The following GLCCI1 variants were observed in gnomAD, a reference collection of about 807,000 sequenced individuals.
GLCCI1 encodes glucocorticoid induced 1, also known as glucocorticoid-induced transcript 1 protein.
GLCCI1 carries 24 observed loss-of-function variants against 52.2 expected under a neutral mutation model. That is an observed-to-expected ratio of 0.46 (90% CI 0.33 to 0.65). The LOEUF (loss-of-function observed/expected upper bound fraction) is 0.65. Among genes scored for constraint, GLCCI1 ranks in the 30% least tolerant of loss-of-function variants. GLCCI1 has a pLI of 0.02. For synonymous variants in GLCCI1, 310 were observed against 276.5 expected (o/e 1.12, Z -1.20); for missense variants, 704 against 701.5 (o/e 1.00, Z -0.04).
At chr7:8,059,138 A>G (rs926137793) in intron 4 of GLCCI1, among the ~76,000 whole-genome samples, 1 of 152,198 alleles carries the variant, frequency 6.6e-6, no homozygotes. Context: ...AAGTCGACCC[A>G]CACAGGTCAA....
intron 6 of GLCCI1, among the ~76,000 whole-genome samples, chr7:8,083,365 G>C (rs745540698): frequency 6.6e-6 from 1 of 151,546 alleles, no homozygotes; most frequent in African/African-American, 2.4e-5. Flanking sequence ...ATTCTCATCA[G>C]ATGTTTGGTT....
At chr7:8,047,571 A>C (rs942038541) in intron 3 of GLCCI1, among the ~76,000 whole-genome samples, 3 of 152,226 alleles carry the variant, frequency 2.0e-5, no homozygotes, top group Non-Finnish European at 2.9e-5. Context: ...ACACTGCATT[A>C]GTTTATATAG....
intron 2 of GLCCI1, among the ~76,000 whole-genome samples, chr7:8,017,945 T>G (rs1562429823): frequency 6.6e-6 from 1 of 152,202 alleles, no homozygotes; most frequent in Non-Finnish European, 1.5e-5. Flanking sequence ...AAGTTAAAAA[T>G]TGTTTTATTA....
chr7:8,036,159 G>A (rs542436675), intron 3 of GLCCI1, among the ~76,000 whole-genome samples: 1 of 152,286 alleles, frequency 6.6e-6, no homozygotes, highest in South Asian at 2.1e-4. Flanking sequence ...GCTAACACAA[G>A]TGCACAGTTC....
At chr7:8,000,606 T>C (rs1471426426) in intron 1 of GLCCI1, among the ~76,000 whole-genome samples, 1 of 152,068 alleles carries the variant, frequency 6.6e-6, no homozygotes, top group African/African-American at 2.4e-5. Flanking sequence ...CTTTGTTTTA[T>C]GATACACATA....
chr7:7,996,407 A>G (rs748741448), intron 1 of GLCCI1, among the ~76,000 whole-genome samples: 9 of 152,040 alleles, frequency 5.9e-5, no homozygotes, highest in Non-Finnish European at 1.2e-4. Flanking sequence ...TTTGCCATAT[A>G]TGTAATTAAA....
intron 3 of GLCCI1, among the ~76,000 whole-genome samples, chr7:8,038,574 C>A (rs1423449156): frequency 6.6e-6 from 1 of 152,102 alleles, no homozygotes; most frequent in Non-Finnish European, 1.5e-5. Context: ...GAAACTGAAC[C>A]TATATCTCTT....
At chr7:8,051,201 TAA>T (rs1384763358) in intron 3 of GLCCI1, among the ~76,000 whole-genome samples, 4 of 152,238 alleles carry the variant, frequency 2.6e-5, no homozygotes, top group Non-Finnish European at 5.9e-5. Flanking sequence ...TCCCTTTACA[TAA>T]AGAGGGTGTG....
chr7:8,079,675 CT>C (rs1203821602), intron 6 of GLCCI1, among the ~76,000 whole-genome samples: 1 of 151,310 alleles, frequency 6.6e-6, no homozygotes, highest in East Asian at 1.9e-4. Context: ...AAAAGAGTAA[CT>C]TTTTGGCTTA....
At chr7:8,005,284 A>T (rs1358948052) in intron 2 of GLCCI1, among the ~76,000 whole-genome samples, 1 of 152,126 alleles carries the variant, frequency 6.6e-6, no homozygotes, top group African/African-American at 2.4e-5. Flanking sequence ...AAAAAATTTA[A>T]AAAAATGTAC....
At chr7:8,023,207 C>T (rs1475956033) in intron 3 of GLCCI1, among the ~76,000 whole-genome samples, 4 of 151,986 alleles carry the variant, frequency 2.6e-5, no homozygotes, top group Admixed American at 2.0e-4. Context: ...AGTAGATACA[C>T]GGTTTCACTG....
At chr7:7,986,539 AG>A (rs1780737170) in intron 1 of GLCCI1, among the ~76,000 whole-genome samples, 1 of 51,922 alleles carries the variant, frequency 1.9e-5, no homozygotes, top group African/African-American at 7.3e-5. Context: ...AAGAAAAAAA[AG>A]AAAAAGTGAC....
chr7:8,024,085 A>AT (rs1006703269), intron 3 of GLCCI1, among the ~76,000 whole-genome samples: 2 of 152,078 alleles, frequency 1.3e-5, no homozygotes, highest in African/African-American at 2.4e-5. Flanking sequence ...GCAGTAAGTC[A>AT]TTTTTTTCCT....
intron 3 of GLCCI1, among the ~76,000 whole-genome samples, chr7:8,054,848 C>G (rs1782349313): frequency 6.6e-6 from 1 of 151,864 alleles, no homozygotes. Flanking sequence ...GTGGCCCTTC[C>G]TTTTAGGAGA....
Position 8,068,810 on chromosome 7 carries a change from T to C in GLCCI1, c.967-2111T>C, listed in dbSNP as rs1172593217. Among the ~76,000 whole-genome samples, 8 of 152,206 alleles carry C rather than the reference T, an allele frequency of 5.3e-5. No individual in the cohort carries two copies. The East Asian group carries it at 1.5e-3, about 29-fold the overall frequency. On this transcript the variant is annotated intron_variant, in intron 5 of 7. Transcript: ENST00000223145. The stretch of plus-strand genomic sequence containing the variant: ...ATAATTTGTACAGTCGGTTGACTTT[T>C]CGGGATGTTTTTAGAGTCTGAGGCA...
At chr7:8,061,340 T>C (rs1403778284) in intron 5 of GLCCI1, among the ~76,000 whole-genome samples, 2 of 152,188 alleles carry the variant, frequency 1.3e-5, no homozygotes, top group African/African-American at 4.8e-5. Flanking sequence ...GACCTCGTGA[T>C]CCGTCCACCT....
chr7:8,001,422 T>C (rs1781047107), intron 1 of GLCCI1, among the ~76,000 whole-genome samples: 1 of 152,172 alleles, frequency 6.6e-6, no homozygotes, highest in African/African-American at 2.4e-5. Context: ...CTCACACCAG[T>C]TAGAATGGCA....
At chr7:8,066,998 A>G (rs1459360359) in intron 5 of GLCCI1, among the ~76,000 whole-genome samples, 1 of 152,112 alleles carries the variant, frequency 6.6e-6, no homozygotes, top group Non-Finnish European at 1.5e-5. Context: ...GTCTCCCACT[A>G]TTATTTTATG....
intron 4 of GLCCI1, among the ~76,000 whole-genome samples, chr7:8,057,096 G>C (rs1267462402): frequency 6.6e-6 from 1 of 152,164 alleles, no homozygotes; most frequent in Non-Finnish European, 1.5e-5. Flanking sequence ...CACATTGCTG[G>C]TGGGAACACA....
Sources: allele counts gnomAD v4.1 joint callset (sites outside exome capture counted in the v4.1 genomes callset), GRCh38; gene constraint gnomAD v4.1.1; transcripts MANE v1.5; gene names NCBI Gene and HGNC (gene_info 2026-07-23, HGNC 2026-07-21).